Variants in LINC00305 observed in about 807,000 individuals in gnomAD.
The protein encoded by LINC00305 is long independently transcribed non-coding RNA 305.
At chr18:64,132,244 A>G (rs2051412928) in intron 1 of LINC00305, among the ~76,000 whole-genome samples, 1 of 152,256 alleles carries the variant, frequency 6.6e-6, no homozygotes, top group Non-Finnish European at 1.5e-5. Context: ...TCCAAAAGAC[A>G]GACAGGCAGA....
chr18:64,100,002 G>C (rs2051261862), intron 1 of LINC00305, among the ~76,000 whole-genome samples: 1 of 152,154 alleles, frequency 6.6e-6, no homozygotes, highest in South Asian at 2.1e-4. Flanking sequence ...GTTTGCAACT[G>C]AATTAGTAGC....
At chr18:64,109,145 C>T (rs1347085834) in intron 1 of LINC00305, among the ~76,000 whole-genome samples, 2 of 152,122 alleles carry the variant, frequency 1.3e-5, no homozygotes, top group African/African-American at 2.4e-5. Flanking sequence ...ATGGGAGGTA[C>T]TCTATTGAGT....
At chr18:64,100,589 A>G (rs1470749953) in intron 1 of LINC00305, among the ~76,000 whole-genome samples, 1 of 152,242 alleles carries the variant, frequency 6.6e-6, no homozygotes, top group Admixed American at 6.5e-5. Context: ...GAAATGACTC[A>G]TAAAGTCTTT....
intron 1 of LINC00305, among the ~76,000 whole-genome samples, chr18:64,142,298 A>G (rs1429847712): frequency 6.6e-6 from 1 of 152,162 alleles, no homozygotes; most frequent in Non-Finnish European, 1.5e-5. Flanking sequence ...AAGAATGTAG[A>G]TTCTCTTTTA....
In LINC00305 at chr18:64,143,154, T is replaced by C. The variant is rs8097826; in HGVS notation, n.314+5621A>G. On this transcript the variant is annotated intron_variant and non_coding_transcript_variant, in intron 1 of 3. Transcript: ENST00000666468. ...AAAATTGGAGCTGAAGAAATGTATC[T>C]GGCCTTGGGTTATGTGGTTATAATA... 8.8e-3 allele frequency among the ~76,000 whole-genome samples: 1,338 copies of C among 152,304 alleles called. 17 individuals are homozygous for C. The highest frequency in any genetic ancestry group is 0.029 in the African/African-American group (1,213 of 41,580).
intron 3 of LINC00305, among the ~76,000 whole-genome samples, chr18:64,084,033 G>T (rs979136262): frequency 2.0e-5 from 3 of 152,148 alleles, no homozygotes; most frequent in Non-Finnish European, 2.9e-5. Context: ...TCCATGGTTT[G>T]CATGCAGGCT....
At position 64,136,946 on chromosome 18, in the gene LINC00305, C is replaced by A. The variant is rs780974973; in HGVS notation, n.314+11829G>T. 9.3e-4 allele frequency among the ~76,000 whole-genome samples: 141 copies of A among 152,238 alleles called. 1 individual carries two copies. The highest frequency in any genetic ancestry group is 1.5e-3 in the Non-Finnish European group (100 of 68,028). Reference sequence around the variant, plus strand: ...TGCTGTTTGGTGCTCACTTGATTTGCCATTGCATTGGGTTGCATAGCGTCC... The same window carrying A: ...TGCTGTTTGGTGCTCACTTGATTTGACATTGCATTGGGTTGCATAGCGTCC... On this transcript the variant is annotated intron_variant and non_coding_transcript_variant, in intron 1 of 3. Coordinates refer to ENST00000666468, the Ensembl canonical transcript of LINC00305.
intron 1 of LINC00305, among the ~76,000 whole-genome samples, chr18:64,139,945 C>T (rs550906305): frequency 9.9e-4 from 151 of 152,240 alleles, no homozygotes; most frequent in Middle Eastern, 3.4e-3. Flanking sequence ...CCCAAAGCCT[C>T]CATCCTCCCT....
intron 1 of LINC00305, among the ~76,000 whole-genome samples, chr18:64,123,228 G>A (rs1408008099): frequency 6.6e-6 from 1 of 152,028 alleles, no homozygotes; most frequent in African/African-American, 2.4e-5. Flanking sequence ...AATAGAAGTG[G>A]TGAAAGCGGT....
chr18:64,097,117 G>A (rs75428429), intron 3 of LINC00305, among the ~76,000 whole-genome samples: 1,706 of 152,074 alleles, frequency 0.011, 17 homozygotes, highest in Middle Eastern at 0.027. Context: ...TTATGTTAGT[G>A]TAATGATATT....
chr18:64,128,819 C>T (rs940617184), intron 1 of LINC00305, among the ~76,000 whole-genome samples: 7 of 152,202 alleles, frequency 4.6e-5, no homozygotes, highest in African/African-American at 1.4e-4. Context: ...CACAATCCAG[C>T]AAATAAAAGA....
At chr18:64,088,382 A>G (rs1036714290) in intron 3 of LINC00305, among the ~76,000 whole-genome samples, 21 of 152,212 alleles carry the variant, frequency 1.4e-4, no homozygotes, top group African/African-American at 5.1e-4. Context: ...CCTGAAACTG[A>G]TCAGGAATTC....
chr18:64,107,107 A>G (rs568130915), intron 1 of LINC00305, among the ~76,000 whole-genome samples: 1 of 152,360 alleles, frequency 6.6e-6, no homozygotes, highest in Non-Finnish European at 1.5e-5. Flanking sequence ...AAGACATTCA[A>G]AATGGTGGAG....
At chr18:64,087,935 CA>C (rs57249097) in intron 3 of LINC00305, among the ~76,000 whole-genome samples, 8 of 147,944 alleles carry the variant, frequency 5.4e-5, no homozygotes, top group Admixed American at 1.3e-4. Context: ...CCCAAAACTA[CA>C]AAAAAAAACA....
In LINC00305 at chr18:64,122,856, A is replaced by G. The variant is rs368047522; in HGVS notation, n.315-24216T>C. Among the ~76,000 whole-genome samples the G allele has an allele frequency of 3.3e-4, 50 of 152,098 alleles. 1 individual carries two copies. Among genetic ancestry groups the G allele is most frequent in the African/African-American group, 7.7e-4 (32 of 41,528 alleles). On this transcript the variant is annotated intron_variant and non_coding_transcript_variant, in intron 1 of 3. Coordinates refer to ENST00000666468, the Ensembl canonical transcript of LINC00305. Reference sequence around the variant, plus strand: ...GTTTTTCCATTTGTTTGTTTTATCTATGATTTCTTTCATCAGCATTTTCTA... The same window carrying G: ...GTTTTTCCATTTGTTTGTTTTATCTGTGATTTCTTTCATCAGCATTTTCTA...
chr18:64,094,353 C>A (rs2051236688), intron 3 of LINC00305, among the ~76,000 whole-genome samples: 1 of 152,156 alleles, frequency 6.6e-6, no homozygotes, highest in South Asian at 2.1e-4. Context: ...CCTGGCAGCA[C>A]CCCATGGATA....
intron 3 of LINC00305, among the ~76,000 whole-genome samples, chr18:64,081,950 A>C (rs1413440759): frequency 6.6e-6 from 1 of 152,186 alleles, no homozygotes; most frequent in African/African-American, 2.4e-5. Context: ...AGGTGGAGGG[A>C]AAAGGGGCCT....
At chr18:64,118,995 T>C (rs1471181217) in intron 1 of LINC00305, among the ~76,000 whole-genome samples, 1 of 152,064 alleles carries the variant, frequency 6.6e-6, no homozygotes, top group African/African-American at 2.4e-5. Flanking sequence ...ACAGCAATAT[T>C]TAATGAATAC....
intron 1 of LINC00305, among the ~76,000 whole-genome samples, chr18:64,101,972 A>T (rs1377116883): frequency 6.6e-6 from 1 of 152,174 alleles, no homozygotes; most frequent in African/African-American, 2.4e-5. Flanking sequence ...TGCAAAATAG[A>T]TTCCCCAGAC....
Sources: allele counts gnomAD v4.1 joint callset (sites outside exome capture counted in the v4.1 genomes callset), GRCh38; gene constraint gnomAD v4.1.1; transcripts MANE v1.5; gene names NCBI Gene and HGNC (gene_info 2026-07-23, HGNC 2026-07-21).